The following DNAH5 variants were observed in gnomAD, a reference collection of about 807,000 sequenced individuals.
DNAH5 encodes dynein axonemal heavy chain 5, also known as axonemal beta dynein heavy chain 5.
In DNAH5, 372 loss-of-function variants were observed where a neutral mutation model predicts 518.2. The observed-to-expected ratio is 0.72, with a 90% CI of 0.66 to 0.78. The LOEUF (loss-of-function observed/expected upper bound fraction) is 0.78. Ranked by LOEUF, DNAH5 falls within the 30% of genes least tolerant of loss-of-function variation. DNAH5 has a pLI of 0.00. For synonymous variants in DNAH5, 2,039 were observed against 2,025.9 expected, an observed-to-expected ratio of 1.01 and a Z score of -0.17; for missense variants, 5,523 against 5,687.0, an observed-to-expected ratio of 0.97 and a Z score of 0.93.
chr5:13,850,838 C>T lies in DNAH5; in HGVS notation c.4951-23G>A, dbSNP rs920161565. On this transcript the variant is annotated intron_variant, in intron 30 of 78. Transcript: ENST00000265104. The stretch of plus-strand genomic sequence containing the variant: ...TTCCTATGAGAACAAGGTAACAAAG[C>T]ACACTTAGATTTGGACACATCTGTG... 3.1e-6 allele frequency: 5 copies of T among 1,613,112 alleles called. No homozygotes were observed. The African/African-American group carries it at 4.0e-5, about 13-fold the overall frequency.
intron 47 of DNAH5, among the ~76,000 whole-genome samples, chr5:13,805,936 G>A (rs944645549): frequency 1.2e-4 from 18 of 152,068 alleles, no homozygotes; most frequent in Non-Finnish European, 1.9e-4. Context: ...CTTAACTTCT[G>A]AAGTCTGCAT....
chr5:13,974,596 G>A (rs73061563), intron 1 of DNAH5, among the ~76,000 whole-genome samples: 12,071 of 152,122 alleles, frequency 0.079, 518 homozygotes, highest in Middle Eastern at 0.12. Context: ...AAAACCACCC[G>A]CTATAAGTCC....
rs78921754 is a variant in DNAH5, at chr5:14,008,174, A to G, written c.12+3474T>C. Among the ~76,000 whole-genome samples the G allele has an allele frequency of 1.1e-4, 15 of 133,166 alleles. No homozygotes were observed. In the South Asian group the frequency reaches 2.0e-3, roughly 18 times the overall value. 87.4% of individuals were successfully genotyped at this position (133,166 alleles called of 152,430 possible). A position where few individuals can be genotyped will look rare whatever the true frequency, so the allele number is the denominator to read the frequency against. ...GCGATAGAGCGAGAATCCGTCTTAGAAAAAAAAAAAAAGAAAGAAAGAAAG... is the reference window on the plus strand; with the variant it reads ...GCGATAGAGCGAGAATCCGTCTTAGGAAAAAAAAAAAAGAAAGAAAGAAAG... On this transcript the variant is annotated intron_variant, in intron 1 of 78. Coordinates refer to the DNAH5 transcript ENST00000681290.
intron 78 of DNAH5, among the ~76,000 whole-genome samples, chr5:13,693,428 G>A (rs986318577): frequency 9.8e-5 from 15 of 152,300 alleles, no homozygotes; most frequent in African/African-American, 2.9e-4. Flanking sequence ...TGTGCCCTGT[G>A]TTTTTACATA....
chr5:13,724,985 A>T (rs1745532249), intron 70 of DNAH5, among the ~76,000 whole-genome samples: 1 of 152,126 alleles, frequency 6.6e-6, no homozygotes, highest in Non-Finnish European at 1.5e-5. Flanking sequence ...AAACTAACAA[A>T]CCATGTTAGA....
chr5:13,989,809 A>G (rs1393516742), intron 1 of DNAH5, among the ~76,000 whole-genome samples: 1 of 151,926 alleles, frequency 6.6e-6, no homozygotes, highest in Non-Finnish European at 1.5e-5. Context: ...AGTGATTAAT[A>G]TTTCTGAGAC....
intron 1 of DNAH5, among the ~76,000 whole-genome samples, chr5:13,956,661 C>T (rs1780784425): frequency 6.6e-6 from 1 of 152,208 alleles, no homozygotes; most frequent in South Asian, 2.1e-4. Context: ...ACTGCTTATC[C>T]TGCACTTCTA....
chr5:13,804,351 C>T (rs114500348), intron 47 of DNAH5, among the ~76,000 whole-genome samples: 203 of 152,306 alleles, frequency 1.3e-3, no homozygotes, highest in African/African-American at 4.5e-3. Flanking sequence ...AACAGATACG[C>T]GCCCTTCGTT....
chr5:13,921,265 T>C (rs969379085), intron 5 of DNAH5, among the ~76,000 whole-genome samples: 1 of 151,982 alleles, frequency 6.6e-6, no homozygotes, highest in Non-Finnish European at 1.5e-5. Context: ...TTGGAAAGCG[T>C]AATGCCCCTT....
chr5:13,726,559 G>T (rs1409812583), intron 70 of DNAH5, among the ~76,000 whole-genome samples: 1 of 152,164 alleles, frequency 6.6e-6, no homozygotes, highest in African/African-American at 2.4e-5. Flanking sequence ...CTTAAATAAG[G>T]CAACCATTTC....
intron 1 of DNAH5, among the ~76,000 whole-genome samples, chr5:13,966,147 G>T (rs1781510508): frequency 1.3e-5 from 2 of 152,164 alleles, no homozygotes; most frequent in South Asian, 2.1e-4. Context: ...TCCATCCAAG[G>T]TTGCTGCAAA....
intron 52 of DNAH5, among the ~76,000 whole-genome samples, chr5:13,782,959 G>A (rs551642316): frequency 7.2e-5 from 11 of 152,298 alleles, no homozygotes; most frequent in African/African-American, 2.6e-4. Flanking sequence ...CTGCCCCTCA[G>A]GAGCTCACGC....
intron 15 of DNAH5, among the ~76,000 whole-genome samples, chr5:13,895,937 C>T (rs944002936): frequency 6.6e-6 from 1 of 152,032 alleles, no homozygotes; most frequent in Admixed American, 6.5e-5. Flanking sequence ...TTCACTCACA[C>T]ACATACAGGT....
rs1382115617 is a variant in DNAH5, at chr5:13,700,855, T to C, written c.13508A>G (p.Asn4503Ser). Residue 4503 changes from asparagine to serine, a missense_variant, in exon 78 of 79, where the codon AAC (asparagine) becomes AGC (serine). Transcript: ENST00000265104. ...TAMRQEITRANKGWALDNMVL... is the reference protein window; with the variant it reads ...TAMRQEITRASKGWALDNMVL... ...CATATTGTCCAGAGCCCAGCCTTTG[T>C]TGGCCCGAGTTATTTCCTATTCAGG... is the stretch of plus-strand genomic sequence containing the variant. 2.5e-6 allele frequency: 4 copies of C among 1,614,052 alleles called. No individual in the cohort carries two copies. In the African/African-American group the frequency reaches 4.0e-5, roughly 16 times the overall value.
chr5:13,786,709 A>G (rs764183407), intron 51 of DNAH5, among the ~76,000 whole-genome samples: 2 of 152,234 alleles, frequency 1.3e-5, no homozygotes, highest in Non-Finnish European at 2.9e-5. Flanking sequence ...CAAGAATTAC[A>G]AAACTGTTTG....
chr5:13,722,794 C>T (rs1745228335), intron 70 of DNAH5, among the ~76,000 whole-genome samples: 1 of 152,244 alleles, frequency 6.6e-6, no homozygotes, highest in Non-Finnish European at 1.5e-5. Flanking sequence ...TAATCCTCCT[C>T]ATAATGTCCA....
At chr5:13,776,793 C>A in intron 54 of DNAH5, 87 bp from the exon 55 acceptor site, 1 of 1,471,870 alleles carries the variant, frequency 6.8e-7, no homozygotes, top group Non-Finnish European at 9.4e-7. Flanking sequence ...AATGTCTTTT[C>A]TCCATTTGTG....
rs532834617 is a variant in DNAH5 at position 13,957,982 on chromosome 5, A to G, written c.13-26738T>C. On this transcript the variant is annotated intron_variant, in intron 1 of 78. Coordinates refer to the DNAH5 transcript ENST00000681290. The stretch of plus-strand genomic sequence containing the variant: ...CACACATGTATATGTATATATGTAT[A>G]TATACCTTTATTTTTAGTTTAAAAT... Among the ~76,000 whole-genome samples the G allele has an allele frequency of 2.0e-3, 306 of 151,928 alleles. 3 individuals are homozygous for G. Among genetic ancestry groups the G allele is most frequent in the African/African-American group, 7.2e-3 (301 of 41,550 alleles).
intron 75 of DNAH5, 81 bp from the exon 76 acceptor site, chr5:13,708,416 C>T: frequency 1.5e-6 from 2 of 1,298,488 alleles, no homozygotes; most frequent in South Asian, 2.4e-5. Flanking sequence ...GGCCTCTGAA[C>T]AGGCCCAAAT....
Sources: gnomAD v4.1 joint callset for allele counts (sites outside exome capture counted in the v4.1 genomes callset) on GRCh38, gnomAD v4.1.1 for gene constraint, MANE v1.5 for transcripts, NCBI Gene and HGNC (gene_info 2026-07-23, HGNC 2026-07-21) for gene names.